Variants in CELF2 observed in about 807,000 individuals in gnomAD.
CELF2 encodes CUG triplet repeat RNA-binding protein 2.
In CELF2, 8 loss-of-function variants were observed where a neutral mutation model predicts 62.6. The observed-to-expected ratio is 0.13, with a 90% CI of 0.07 to 0.23. CELF2 has a LOEUF of 0.23. CELF2 is among the 10% of genes least tolerant of loss of function. The pLI is 1.00. For missense variants in CELF2, 333 were observed against 671.0 expected, an observed-to-expected ratio of 0.50 and a Z score of 5.56; for synonymous variants, 258 against 250.0, an observed-to-expected ratio of 1.03 and a Z score of -0.30.
In CELF2 at chr10:11,125,377, A is replaced by G. The variant is rs1398400547; in HGVS notation, c.75-40109A>G. Among the ~76,000 whole-genome samples, 22 of 151,916 alleles carry G rather than the reference A, an allele frequency of 1.4e-4. 1 individual carries two copies. Among genetic ancestry groups the G allele is most frequent in the Admixed American group, 1.4e-3 (22 of 15,212 alleles). ...GTCCTTTGTTATTTGTAATGTGGCCATAGGGTGAAAGCCCTTGGGTATGCT... is the reference window on the plus strand; with the variant it reads ...GTCCTTTGTTATTTGTAATGTGGCCGTAGGGTGAAAGCCCTTGGGTATGCT... On this transcript the variant is annotated intron_variant, in intron 1 of 12. Coordinates refer to ENST00000633077, the MANE Select transcript of CELF2 (RefSeq NM_001326342.2).
At chr10:10,984,228 C>T (rs1037972927) in intron 2 of CELF2, among the ~76,000 whole-genome samples, 1 of 152,218 alleles carries the variant, frequency 6.6e-6, no homozygotes, top group Non-Finnish European at 1.5e-5. Flanking sequence ...AGATCCGCTC[C>T]AAGCCCTATC....
At chr10:11,106,600 G>A (rs1005135840) in intron 1 of CELF2, among the ~76,000 whole-genome samples, 8 of 152,234 alleles carry the variant, frequency 5.3e-5, no homozygotes, top group Non-Finnish European at 8.8e-5. Flanking sequence ...GTAGAACTAC[G>A]AAATGGGGAC....
At chr10:11,001,857 G>A (rs1055481997), upstream of CELF2, among the ~76,000 whole-genome samples, 2 of 151,992 alleles carry the variant, frequency 1.3e-5, no homozygotes, top group Admixed American at 6.5e-5. Context: ...GGCTCCTACT[G>A]CAGATGATCC....
chr10:11,232,872 T>A (rs1470065385), intron 3 of CELF2, among the ~76,000 whole-genome samples: 1 of 152,126 alleles, frequency 6.6e-6, no homozygotes, highest in African/African-American at 2.4e-5. Flanking sequence ...AGGTTCCCAA[T>A]TCCCAGAGCA....
intron 1 of CELF2, among the ~76,000 whole-genome samples, chr10:10,828,150 C>A (rs1265987718): frequency 1.3e-5 from 2 of 152,062 alleles, no homozygotes; most frequent in East Asian, 3.9e-4. Flanking sequence ...AGCAATTCTA[C>A]TTCTGGGTAT....
chr10:11,091,017 T>C (rs1019336399), intron 1 of CELF2, among the ~76,000 whole-genome samples: 6 of 152,242 alleles, frequency 3.9e-5, no homozygotes, highest in African/African-American at 1.4e-4. Context: ...CCATAGTTAA[T>C]GTGTTCAAGA....
the CELF2 span, among the ~76,000 whole-genome samples, chr10:10,747,922 A>C: frequency 6.6e-6 from 1 of 152,150 alleles, no homozygotes; most frequent in Non-Finnish European, 1.5e-5. Context: ...ACTGTGGTGA[A>C]ACAGCCACTG....
At chr10:10,535,584 G>C in the CELF2 span, among the ~76,000 whole-genome samples, 1 of 152,124 alleles carries the variant, frequency 6.6e-6, no homozygotes, top group Non-Finnish European at 1.5e-5. Context: ...GCTGGGCATG[G>C]TGGCGGGCGC....
chr10:11,301,721 C>A (rs1002404961), intron 9 of CELF2, among the ~76,000 whole-genome samples: 2 of 150,990 alleles, frequency 1.3e-5, no homozygotes, highest in African/African-American at 4.9e-5. Flanking sequence ...CCGGTGGCAC[C>A]ACGGCAGCAA....
intron 3 of CELF2, among the ~76,000 whole-genome samples, chr10:11,228,384 C>T (rs1158210888): frequency 1.3e-5 from 2 of 152,160 alleles, no homozygotes; most frequent in Non-Finnish European, 2.9e-5. Flanking sequence ...GCCTTTTCAA[C>T]TAGAAGCCTA....
chr10:11,111,586 T>C (rs1358387500), intron 1 of CELF2, among the ~76,000 whole-genome samples: 1 of 152,184 alleles, frequency 6.6e-6, no homozygotes, highest in African/African-American at 2.4e-5. Flanking sequence ...TTGTTGCTTA[T>C]GGATTGGAGA....
rs1029999869 is a variant in CELF2, at chr10:11,191,265, G to A, written c.271+25583G>A. ...TTAGATGGTTCTCTCTAGCTATGGG[G>A]CTTGGAGAGTAAATGGGCAGGAGTG... is the stretch of plus-strand genomic sequence containing the variant. On this transcript the variant is annotated intron_variant, in intron 2 of 12. Coordinates refer to ENST00000633077, the MANE Select transcript of CELF2 (RefSeq NM_001326342.2). This position sits in a 1 kb window ranked among gnomAD's most constrained non-coding sequence, Gnocchi z 4.1. 1.3e-5 allele frequency among the ~76,000 whole-genome samples: 2 copies of A among 152,182 alleles called. No homozygotes were observed. The highest frequency in any genetic ancestry group is 2.1e-4 in the South Asian group (1 of 4,830).
chr10:10,970,824 G>A (rs988939526), intron 2 of CELF2: 1 of 152,048 alleles, frequency 6.6e-6, no homozygotes, highest in African/African-American at 2.4e-5. Context: ...AAAGTAGACT[G>A]TGTGTTTCAT....
At chr10:10,984,484 T>A (rs572091980) in intron 2 of CELF2, among the ~76,000 whole-genome samples, 1 of 152,348 alleles carries the variant, frequency 6.6e-6, no homozygotes, top group Admixed American at 6.5e-5. Context: ...GCCGTTTGAT[T>A]CTGACTCTAA....
intron 1 of CELF2, among the ~76,000 whole-genome samples, chr10:10,883,748 G>C (rs1049203344): frequency 6.6e-6 from 1 of 152,118 alleles, no homozygotes; most frequent in Non-Finnish European, 1.5e-5. Context: ...TACAGCCAAG[G>C]CCACTTGCTG....
At chr10:11,090,451 A>G (rs1472387351) in intron 1 of CELF2, among the ~76,000 whole-genome samples, 1 of 152,214 alleles carries the variant, frequency 6.6e-6, no homozygotes, top group African/African-American at 2.4e-5. Context: ...AAAAAATCAA[A>G]TGAATTTCTA....
chr10:11,249,965 A>G (rs1434439253), intron 4 of CELF2, among the ~76,000 whole-genome samples: 1 of 152,196 alleles, frequency 6.6e-6, no homozygotes, highest in Non-Finnish European at 1.5e-5. Flanking sequence ...GACTGACATA[A>G]TCAGTACTGT....
chr10:10,490,751 T>C, the CELF2 span, among the ~76,000 whole-genome samples: 13 of 152,222 alleles, frequency 8.5e-5, no homozygotes, highest in South Asian at 2.7e-3. Context: ...TCTTTCCCCA[T>C]GTCTAAACCC....
chr10:11,138,902 A>G (rs2060857515), intron 1 of CELF2, among the ~76,000 whole-genome samples: 1 of 152,246 alleles, frequency 6.6e-6, no homozygotes, highest in Admixed American at 6.5e-5. Flanking sequence ...TTGAGCCTGG[A>G]ACATACTGAA....
Sources: gnomAD v4.1 joint callset for allele counts (sites outside exome capture counted in the v4.1 genomes callset) on GRCh38, gnomAD v4.1.1 for gene constraint, Gnocchi (gnomAD v3.1) non-coding constraint, MANE v1.5 for transcripts, NCBI Gene and HGNC (gene_info 2026-07-23, HGNC 2026-07-21) for gene names.